NKAIN3: variants seen among roughly 807,000 people sequenced by gnomAD.
The protein encoded by NKAIN3 is sodium/potassium transporting ATPase interacting 3.
A neutral mutation model predicts 30.2 loss-of-function variants in NKAIN3; 25 were observed. That is an observed-to-expected ratio of 0.83 (90% CI 0.60 to 1.16). The LOEUF (loss-of-function observed/expected upper bound fraction) is 1.16. Ranked by LOEUF, NKAIN3 falls within the 50% of genes most tolerant of loss-of-function variation. The probability of loss-of-function intolerance (pLI) is 0.00; values close to 1 mark genes in which losing one functional copy is unlikely to be tolerated. For synonymous variants in NKAIN3, 91 were observed against 89.6 expected (o/e 1.02, Z -0.09); for missense variants, 225 against 254.1 (o/e 0.89, Z 0.78).
At chr8:62,924,217 T>A (rs1194798045) in intron 5 of NKAIN3, among the ~76,000 whole-genome samples, 2 of 152,188 alleles carry the variant, frequency 1.3e-5, no homozygotes, top group African/African-American at 2.4e-5. Flanking sequence ...ACCCACTAAC[T>A]TATATACACC....
intron 3 of NKAIN3, among the ~76,000 whole-genome samples, chr8:62,716,034 A>T (rs1814891470): frequency 6.6e-6 from 1 of 152,150 alleles, no homozygotes; most frequent in South Asian, 2.1e-4. Context: ...TGGAACTGCT[A>T]TTTGCTTGAA....
At chr8:62,276,059 T>C (rs1812944276) in intron 1 of NKAIN3, among the ~76,000 whole-genome samples, 1 of 151,960 alleles carries the variant, frequency 6.6e-6, no homozygotes, top group Admixed American at 6.6e-5. Context: ...GATTTTGACT[T>C]TTTTCTTTTT....
chr8:62,248,931 C>G lies in NKAIN3; in HGVS notation c.-143C>G. 2 of 689,654 alleles carry G rather than the reference C, an allele frequency of 2.9e-6. No homozygotes were observed. Among genetic ancestry groups the G allele is most frequent in the South Asian group, 4.1e-5 (2 of 48,398 alleles). The allele number at this position is 689,654 out of a possible 1,614,324, so 42.7% of individuals were successfully genotyped here. ...AAACTAACAAAGGCGGGCGCGAGCC[C>G]CGAGCCCTGGAGCCGCGAGCGGCGG... On this transcript the variant is annotated 5_prime_UTR_variant, in exon 1 of 7. Coordinates refer to ENST00000623646, the MANE Select transcript of NKAIN3 (RefSeq NM_001304533.3).
chr8:62,583,336 G>A (rs935459044), intron 2 of NKAIN3, among the ~76,000 whole-genome samples: 1 of 152,080 alleles, frequency 6.6e-6, no homozygotes. Flanking sequence ...TCAAAGAAAA[G>A]CATCAACAAG....
intron 1 of NKAIN3, among the ~76,000 whole-genome samples, chr8:62,568,262 T>A (rs1809817954): frequency 6.6e-6 from 1 of 152,188 alleles, no homozygotes; most frequent in African/African-American, 2.4e-5. Flanking sequence ...AGAGCATAAA[T>A]ACACTAAGTC....
chr8:62,807,790 CAT>C (rs774432613), intron 4 of NKAIN3, among the ~76,000 whole-genome samples: 24 of 145,918 alleles, frequency 1.6e-4, no homozygotes, highest in East Asian at 2.0e-4. Context: ...AAAATACATA[CAT>C]ATATATATAT....
intron 4 of NKAIN3, among the ~76,000 whole-genome samples, chr8:62,772,129 T>G (rs1044640263): frequency 6.6e-6 from 1 of 152,178 alleles, no homozygotes; most frequent in East Asian, 1.9e-4. Flanking sequence ...TGTTTTAAAT[T>G]TTACTACCTG....
At chr8:62,574,057 A>G (rs1810030856) in intron 1 of NKAIN3, among the ~76,000 whole-genome samples, 1 of 152,128 alleles carries the variant, frequency 6.6e-6, no homozygotes, top group South Asian at 2.1e-4. Flanking sequence ...GGAAGCTATC[A>G]TTCTGCTCTC....
intron 3 of NKAIN3, among the ~76,000 whole-genome samples, chr8:62,645,642 GT>G (rs760889199): frequency 1.1e-4 from 17 of 152,088 alleles, no homozygotes; most frequent in Non-Finnish European, 2.2e-4. Flanking sequence ...GACAGATTAT[GT>G]GAAAGCTCAA....
intron 4 of NKAIN3, among the ~76,000 whole-genome samples, chr8:62,750,390 C>T (rs1412122245): frequency 6.6e-6 from 1 of 152,018 alleles, no homozygotes; most frequent in Non-Finnish European, 1.5e-5. Context: ...AGAAAAGTCA[C>T]CTCTGTCATA....
chr8:62,931,806 T>C (rs1335275130), intron 5 of NKAIN3, among the ~76,000 whole-genome samples: 1 of 152,218 alleles, frequency 6.6e-6, no homozygotes, highest in Non-Finnish European at 1.5e-5. Context: ...GTTTAATAAT[T>C]GTTAGCCCTT....
chr8:62,936,033 T>C (rs1822776033), intron 5 of NKAIN3, among the ~76,000 whole-genome samples: 1 of 152,212 alleles, frequency 6.6e-6, no homozygotes, highest in Non-Finnish European at 1.5e-5. Context: ...AAAGTCTGAC[T>C]TGATACAATG....
intron 1 of NKAIN3, among the ~76,000 whole-genome samples, chr8:62,388,448 T>G (rs16928857): frequency 0.14 from 21,072 of 152,254 alleles, 1,745 homozygotes; most frequent in East Asian, 0.4. Flanking sequence ...GAAATTCTTG[T>G]TCATTGCCTA....
At chr8:62,588,690 T>A (rs565569212) in intron 2 of NKAIN3, among the ~76,000 whole-genome samples, 1 of 151,990 alleles carries the variant, frequency 6.6e-6, no homozygotes, top group East Asian at 1.9e-4. Flanking sequence ...TTATTTTAAT[T>A]TAAAAACAGT....
chr8:62,938,502 T>C (rs1822855058), intron 5 of NKAIN3, among the ~76,000 whole-genome samples: 1 of 151,968 alleles, frequency 6.6e-6, no homozygotes, highest in South Asian at 2.1e-4. Flanking sequence ...TCCACTTCAC[T>C]CCCCTGCTAC....
rs1041105413 is a variant in NKAIN3 at position 62,293,533 on chromosome 8, C to T, written c.54+44406C>T. Among the ~76,000 whole-genome samples the T allele has an allele frequency of 1.5e-4, 23 of 152,134 alleles. 1 individual carries two copies. Among genetic ancestry groups the T allele is most frequent in the Admixed American group, 1.2e-3 (18 of 15,278 alleles). On this transcript the variant is annotated intron_variant, in intron 1 of 6. Transcript: ENST00000623646. Reference sequence around the variant, plus strand: ...ACCCTGTTTGCCTGGGTATCACCAGCGGAGGCTGCAGAACAGCAAATATTG... The same window carrying T: ...ACCCTGTTTGCCTGGGTATCACCAGTGGAGGCTGCAGAACAGCAAATATTG...
intron 1 of NKAIN3, among the ~76,000 whole-genome samples, chr8:62,288,667 G>A (rs1326193969): frequency 2.0e-5 from 3 of 152,140 alleles, no homozygotes; most frequent in Non-Finnish European, 4.4e-5. Flanking sequence ...ATGGTTCCAA[G>A]TCTTTGCTAT....
chr8:62,369,917 T>G (rs373735425), intron 1 of NKAIN3, among the ~76,000 whole-genome samples: 3 of 151,606 alleles, frequency 2.0e-5, no homozygotes, highest in South Asian at 4.1e-4. Context: ...CCAGCCAAGA[T>G]AGAAAAAAAA....
intron 4 of NKAIN3, among the ~76,000 whole-genome samples, chr8:62,807,496 C>T (rs117553744): frequency 6.7e-6 from 1 of 149,452 alleles, no homozygotes. Flanking sequence ...TCTTCATATT[C>T]TTTCTGCTAG....
Sources: allele counts gnomAD v4.1 joint callset (sites outside exome capture counted in the v4.1 genomes callset), GRCh38; gene constraint gnomAD v4.1.1; transcripts MANE v1.5; gene names NCBI Gene and HGNC (gene_info 2026-07-23, HGNC 2026-07-21).